PIP5K1A: variants seen among roughly 807,000 people sequenced by gnomAD.
PIP5K1A encodes the protein phosphatidylinositol 4-phosphate 5-kinase type-1 alpha.
Under a neutral mutation model 72.9 loss-of-function variants are expected in PIP5K1A, and 46 were observed. The ratio of observed to expected loss-of-function variants is 0.63; its 90% CI spans 0.50 to 0.81. PIP5K1A has a LOEUF of 0.81. PIP5K1A is among the 30% of genes least tolerant of loss of function. PIP5K1A has a pLI of 0.00. For missense variants in PIP5K1A, 458 were observed against 706.1 expected, an observed-to-expected ratio of 0.65 and a Z score of 3.98; for synonymous variants, 228 against 255.1, an observed-to-expected ratio of 0.89 and a Z score of 1.01.
intron 6 of PIP5K1A, 49 bp from the exon 7 acceptor site, chr1:151,232,502 C>T (rs1454102273): frequency 6.4e-7 from 1 of 1,573,106 alleles, no homozygotes; most frequent in South Asian, 1.1e-5. Flanking sequence ...TTGTGTTGGG[C>T]AAGGCCCTGA....
At chr1:151,234,639 A>C (rs1450784810) in intron 8 of PIP5K1A, 143 bp downstream of exon 8, 4 of 650,172 alleles carry the variant, frequency 6.2e-6, no homozygotes, top group Non-Finnish European at 1.1e-5. Context: ...TAATTAGTTC[A>C]TTGCCATTCC....
intron 1 of PIP5K1A, among the ~76,000 whole-genome samples, chr1:151,214,537 T>C (rs1332775415): frequency 1.3e-5 from 2 of 151,920 alleles, no homozygotes; most frequent in Non-Finnish European, 2.9e-5. Flanking sequence ...ATCGCCACCA[T>C]GTCCAGCTAA....
At chr1:151,209,718 T>C in intron 1 of PIP5K1A, among the ~76,000 whole-genome samples, 1 of 151,418 alleles carries the variant, frequency 6.6e-6, no homozygotes, top group East Asian at 2.0e-4. Flanking sequence ...GGATTACAGG[T>C]GTGAGCCACC....
intron 3 of PIP5K1A, 193 bp from the exon 4 acceptor site, chr1:151,227,127 T>C: frequency 2.2e-6 from 1 of 454,940 alleles, no homozygotes; most frequent in Non-Finnish European, 3.9e-6. Context: ...TTCTGTGATC[T>C]TTTAGCCACT....
intron 4 of PIP5K1A, 21 bp from the exon 5 acceptor site, chr1:151,231,650 C>G (rs748347227): frequency 3.3e-5 from 53 of 1,611,952 alleles, no homozygotes; most frequent in Non-Finnish European, 4.2e-5. Context: ...GAATTTTCTT[C>G]TCATTTCTCT....
intron 1 of PIP5K1A, among the ~76,000 whole-genome samples, chr1:151,204,478 G>A (rs587744225): frequency 6.6e-6 from 1 of 152,132 alleles, no homozygotes. Flanking sequence ...CGCCCGGCCT[G>A]TGGATGTTTT....
chr1:151,216,013 T>G (rs775782787), intron 1 of PIP5K1A: 16 of 1,277,042 alleles, frequency 1.3e-5, no homozygotes, highest in Non-Finnish European at 1.6e-5. Context: ...AGATCTGATG[T>G]GTATCTGTGC....
In PIP5K1A at chr1:151,224,226, GTT is replaced by G. The variant is rs371292109; in HGVS notation, c.86-11_86-10del. On this transcript the variant is annotated splice_polypyrimidine_tract_variant and intron_variant, in intron 1 of 15. Coordinates refer to ENST00000368888, the MANE Select transcript of PIP5K1A (RefSeq NM_001135638.2). ...GAGTGTGTGATACACTCTTATGATTGTTTTTTTTTCCCCCCTAGCAGCATCTG... is the reference window on the plus strand; with the variant it reads ...GAGTGTGTGATACACTCTTATGATTGTTTTTTTCCCCCCTAGCAGCATCTG... 1 of 1,594,186 alleles carries G rather than the reference GTT, an allele frequency of 6.3e-7. No individual in the cohort carries two copies. Among genetic ancestry groups the G allele is most frequent in the South Asian group, 1.1e-5 (1 of 90,498 alleles).
At chr1:151,213,720 T>G (rs1344918395) in intron 1 of PIP5K1A, among the ~76,000 whole-genome samples, 3 of 152,164 alleles carry the variant, frequency 2.0e-5, no homozygotes, top group Non-Finnish European at 4.4e-5. Flanking sequence ...GTGGTTGTAA[T>G]GAGCTTGAGT....
At chr1:151,213,109 G>A (rs1687083980) in intron 1 of PIP5K1A, among the ~76,000 whole-genome samples, 2 of 151,992 alleles carry the variant, frequency 1.3e-5, no homozygotes, top group African/African-American at 2.4e-5. Context: ...AGCCAGGATG[G>A]TCTCGATCTG....
At position 151,216,362 on chromosome 1, in the gene PIP5K1A, A is replaced by C. The variant is rs587660381; in HGVS notation, c.86-7883A>C. On this transcript the variant is annotated intron_variant, in intron 1 of 15. Transcript: ENST00000368888. The stretch of plus-strand genomic sequence containing the variant: ...AGACTCCGTCTCAAAAAAAAAAAAA[A>C]AAAACAGTTGCAGACTTCTTGGAGT... 4.5e-3 allele frequency among the ~76,000 whole-genome samples: 685 copies of C among 152,006 alleles called. 6 individuals carry two copies. The highest frequency in any genetic ancestry group is 0.016 in the African/African-American group (647 of 41,464).
chr1:151,231,589 T>G, intron 4 of PIP5K1A, 82 bp from the exon 5 acceptor site: 1 of 1,263,616 alleles, frequency 7.9e-7, no homozygotes, highest in Admixed American at 1.7e-5. Context: ...AAAGTGTTCC[T>G]TCTAGCTTCC....
chr1:151,222,735 A>G (rs1688552726), intron 1 of PIP5K1A, among the ~76,000 whole-genome samples: 1 of 152,160 alleles, frequency 6.6e-6, no homozygotes, highest in South Asian at 2.1e-4. Flanking sequence ...CTGAAAGCAT[A>G]CAGAGTACCT....
intron 14 of PIP5K1A, among the ~76,000 whole-genome samples, chr1:151,246,281 T>C (rs1011965172): frequency 1.3e-5 from 2 of 152,114 alleles, no homozygotes; most frequent in East Asian, 3.9e-4. Flanking sequence ...CCAGTTTCTG[T>C]ACCTTAGCTG....
At position 151,219,118 on chromosome 1, in the gene PIP5K1A, C is replaced by T. The variant is rs777841679; in HGVS notation, c.86-5127C>T. Among the ~76,000 whole-genome samples, 55 of 152,236 alleles carry T rather than the reference C, an allele frequency of 3.6e-4. 1 individual carries two copies. The highest frequency in any genetic ancestry group is 6.8e-3 in the Middle Eastern group (2 of 294). ...AAAGTAGGCTGGGCACAATGGCTCA[C>T]GCCTATAATCCCAGCACTTTGGAAG... On this transcript the variant is annotated intron_variant, in intron 1 of 15. Coordinates refer to ENST00000368888, the MANE Select transcript of PIP5K1A (RefSeq NM_001135638.2).
At chr1:151,195,917 C>G (rs1332668412), upstream of PIP5K1A, among the ~76,000 whole-genome samples, 6 of 9,076 alleles carry the variant, frequency 6.6e-4, no homozygotes, top group African/African-American at 1.5e-3. Context: ...TTTTTTGAGA[C>G]GGAGTCTCGC....
intron 10 of PIP5K1A, 71 bp downstream of exon 10, chr1:151,238,336 A>G: frequency 2.9e-6 from 3 of 1,031,336 alleles, no homozygotes; most frequent in Non-Finnish European, 4.6e-6. Context: ...TCTTTTAGAT[A>G]GGTTTGTTAC....
In PIP5K1A at chr1:151,232,441, C is replaced by T. The variant is rs1690233724; in HGVS notation, c.486+76C>T. The T allele has an allele frequency of 4.0e-6, 6 of 1,486,794 alleles. No homozygotes were observed. In the Admixed American group the frequency reaches 5.1e-5, roughly 13 times the overall value. The allele number at this position is 1,486,794 out of a possible 1,614,324, so 92.1% of individuals were successfully genotyped here. A position where few individuals can be genotyped will look rare whatever the true frequency, so the allele number is the denominator to read the frequency against. ...CCCAAAGGAAGGCCCCTTTTCTCCA[C>T]AGTCTCGCTCTGGTTTTTATTTAGA... On this transcript the variant is annotated intron_variant, in intron 6 of 15. Coordinates refer to ENST00000368888, the MANE Select transcript of PIP5K1A (RefSeq NM_001135638.2).
intron 15 of PIP5K1A, 38 bp from the exon 16 acceptor site, chr1:151,247,825 A>G (rs757071942): frequency 3.8e-6 from 6 of 1,565,768 alleles, no homozygotes; most frequent in East Asian, 4.6e-5. Flanking sequence ...GCTTAATCTC[A>G]TACTCCACAT....
Sources: gnomAD v4.1 joint callset for allele counts (sites outside exome capture counted in the v4.1 genomes callset) on GRCh38, gnomAD v4.1.1 for gene constraint, MANE v1.5 for transcripts, NCBI Gene and HGNC (gene_info 2026-07-23, HGNC 2026-07-21) for gene names.